Variants in PPP2R2B observed in about 807,000 individuals in gnomAD.
The protein encoded by PPP2R2B is protein phosphatase 2 regulatory subunit Bbeta.
PPP2R2B carries 5 observed loss-of-function variants against 46.0 expected under a neutral mutation model. The ratio of observed to expected loss-of-function variants is 0.11; its 90% CI spans 0.06 to 0.23. The LOEUF (loss-of-function observed/expected upper bound fraction) is 0.23. PPP2R2B is among the 10% of genes least tolerant of loss of function. The probability of loss-of-function intolerance (pLI) is 1.00; values close to 1 mark genes in which losing one functional copy is unlikely to be tolerated. For synonymous variants in PPP2R2B, 215 were observed against 206.7 expected (o/e 1.04, Z -0.34); for missense variants, 367 against 575.0 (o/e 0.64, Z 3.70).
rs549309939 is a variant in PPP2R2B, at chr5:146,683,070, C to T, written c.447+8058G>A. 3.9e-5 allele frequency among the ~76,000 whole-genome samples: 6 copies of T among 152,224 alleles called. No individual in the cohort carries two copies. In the South Asian group the frequency reaches 1.0e-3, roughly 26 times the overall value. ...CGAGAAATACGGGTGGGTGTCTTGGCCACACTCCTGGAGATTCTGAGTCAC... is the reference window on the plus strand; with the variant it reads ...CGAGAAATACGGGTGGGTGTCTTGGTCACACTCCTGGAGATTCTGAGTCAC... On this transcript the variant is annotated intron_variant, in intron 5 of 9. Coordinates refer to ENST00000394411, the MANE Select transcript of PPP2R2B (RefSeq NM_181675.4).
chr5:146,701,409 G>GA (rs1422798389), intron 2 of PPP2R2B, among the ~76,000 whole-genome samples: 2 of 152,194 alleles, frequency 1.3e-5, no homozygotes, highest in East Asian at 3.9e-4. Flanking sequence ...TTAAGGAAGA[G>GA]AAAATTAACT....
intron 1 of PPP2R2B, chr5:147,055,588 T>C: frequency 7.7e-7 from 1 of 1,295,840 alleles, no homozygotes; most frequent in Non-Finnish European, 1.1e-6. Context: ...GAAAGCAGCA[T>C]CAGCAGAACC....
At chr5:146,616,861 A>G (rs1431525640) in intron 7 of PPP2R2B, 1 of 152,142 alleles carries the variant, frequency 6.6e-6, no homozygotes, top group Non-Finnish European at 1.5e-5. Flanking sequence ...CAGCAATCCC[A>G]CTCCTTATGT....
intron 2 of PPP2R2B, chr5:146,856,527 A>C (rs756181167): frequency 1.2e-5 from 20 of 1,611,550 alleles, no homozygotes; most frequent in Non-Finnish European, 1.5e-5. Flanking sequence ...TTTCATCTGG[A>C]TAATTCATGC....
chr5:146,602,188 T>C (rs553047452), intron 7 of PPP2R2B, among the ~76,000 whole-genome samples: 1 of 152,170 alleles, frequency 6.6e-6, no homozygotes, highest in Non-Finnish European at 1.5e-5. Context: ...GGTACTCTCT[T>C]ACAATGGAAC....
At position 146,698,353 on chromosome 5, in the gene PPP2R2B, C is replaced by T. The variant is rs866124360; in HGVS notation, c.169-209G>A. Among the ~76,000 whole-genome samples the T allele has an allele frequency of 2.9e-3, 294 of 100,026 alleles. 2 individuals are homozygous for T. The highest frequency in any genetic ancestry group is 0.012 in the African/African-American group (282 of 24,220). 65.6% of individuals were successfully genotyped at this position (100,026 alleles called of 152,430 possible). On this transcript the variant is annotated intron_variant, in intron 3 of 9. Transcript: ENST00000394411. ...ATATATATATATATATATATATATACACACACATATAATTATACACATGAA... is the reference window on the plus strand; with the variant it reads ...ATATATATATATATATATATATATATACACACATATAATTATACACATGAA...
intron 7 of PPP2R2B, among the ~76,000 whole-genome samples, chr5:146,603,754 G>C (rs1371052863): frequency 1.3e-5 from 2 of 152,070 alleles, no homozygotes; most frequent in Non-Finnish European, 2.9e-5. Flanking sequence ...ATTTCATTTA[G>C]TTGTTAAAAC....
At chr5:146,952,684 T>C (rs1243512496) in intron 1 of PPP2R2B, among the ~76,000 whole-genome samples, 1 of 152,172 alleles carries the variant, frequency 6.6e-6, no homozygotes, top group East Asian at 1.9e-4. Flanking sequence ...ACTGAAGAAC[T>C]CTATAAGGTA....
rs1052859791 is a variant in PPP2R2B, at chr5:147,055,029, G to A, written c.79+636C>T. Among the ~76,000 whole-genome samples, 4 of 152,098 alleles carry A rather than the reference G, an allele frequency of 2.6e-5. No homozygotes were observed. In the South Asian group the frequency reaches 8.3e-4, roughly 32 times the overall value. On this transcript the variant is annotated intron_variant, in intron 1 of 8. Transcript: ENST00000336640. ...TGCTAGGTTAGAAGGCAGCAGAGAA[G>A]GTCCCCAGAAAAAAACAGGAAATGG...
chr5:146,923,126 T>C (rs1184763383), intron 1 of PPP2R2B, among the ~76,000 whole-genome samples: 2 of 152,200 alleles, frequency 1.3e-5, no homozygotes, highest in East Asian at 3.9e-4. Flanking sequence ...CTAAATTTCT[T>C]TTTTTGTTTA....
intron 2 of PPP2R2B, among the ~76,000 whole-genome samples, chr5:146,748,871 G>C (rs988190341): frequency 2.0e-5 from 3 of 152,126 alleles, no homozygotes; most frequent in African/African-American, 7.2e-5. Flanking sequence ...AGGTTTTTGT[G>C]TGCACATACA....
Position 146,897,427 on chromosome 5 carries a change from G to C in PPP2R2B, c.79+158238C>G, listed in dbSNP as rs975898195. Among the ~76,000 whole-genome samples the C allele has an allele frequency of 2.0e-5, 3 of 152,274 alleles. No individual in the cohort carries two copies. In the East Asian group the frequency reaches 5.8e-4, roughly 29 times the overall value. On this transcript the variant is annotated intron_variant, in intron 1 of 8. Coordinates refer to the PPP2R2B transcript ENST00000336640. ...GACTAAGGTCACAAGTGTGGGAGTT[G>C]GGTCTTCAGAGCAAAGTGCTCTGCA...
chr5:146,895,690 C>G (rs1192098870), intron 1 of PPP2R2B, among the ~76,000 whole-genome samples: 2 of 152,062 alleles, frequency 1.3e-5, no homozygotes, highest in African/African-American at 4.8e-5. Flanking sequence ...AATTTTGTTC[C>G]TACAAATTTA....
intron 2 of PPP2R2B, among the ~76,000 whole-genome samples, chr5:146,819,772 T>G (rs1025408518): frequency 6.6e-5 from 10 of 152,112 alleles, no homozygotes; most frequent in African/African-American, 2.2e-4. Flanking sequence ...TTGGTATATA[T>G]CCCAAGGAAA....
chr5:146,646,551 A>C (rs1183707356), intron 6 of PPP2R2B, among the ~76,000 whole-genome samples: 1 of 152,184 alleles, frequency 6.6e-6, no homozygotes, highest in African/African-American at 2.4e-5. Context: ...ACCAGTTATC[A>C]TGAGGTTTAG....
At position 146,802,866 on chromosome 5, in the gene PPP2R2B, G is replaced by A. The variant is rs147838050; in HGVS notation, c.70+75136C>T. ...CACTAGTTAGTTATGCAAGTATTTT[G>A]AACCCACAGGACTTCTGGGGAATTG... On this transcript the variant is annotated intron_variant, in intron 2 of 9. Transcript: ENST00000394411. 6.8e-3 allele frequency among the ~76,000 whole-genome samples: 1,041 copies of A among 152,272 alleles called. 11 individuals are homozygous for A. Among genetic ancestry groups the A allele is most frequent in the Non-Finnish European group, 7.5e-3 (510 of 68,028 alleles).
chr5:146,801,915 C>T (rs945934786), intron 2 of PPP2R2B, among the ~76,000 whole-genome samples: 3 of 152,336 alleles, frequency 2.0e-5, no homozygotes, highest in African/African-American at 7.2e-5. Context: ...AGTGGCCCCA[C>T]TTAACCATGC....
intron 2 of PPP2R2B, among the ~76,000 whole-genome samples, chr5:146,705,416 G>C (rs534705481): frequency 5.3e-5 from 8 of 152,276 alleles, no homozygotes; most frequent in African/African-American, 1.9e-4. Context: ...TTCTAGGCTG[G>C]GGTGCCATGA....
At chr5:146,706,674 T>A (rs1779878684) in intron 2 of PPP2R2B, 1 of 865,626 alleles carries the variant, frequency 1.2e-6, no homozygotes, top group Non-Finnish European at 1.9e-6. Context: ...AGTCTCAGCC[T>A]GGAGCCAGCT....
Sources: allele counts gnomAD v4.1 joint callset (sites outside exome capture counted in the v4.1 genomes callset), GRCh38; gene constraint gnomAD v4.1.1; transcripts MANE v1.5; gene names NCBI Gene and HGNC (gene_info 2026-07-23, HGNC 2026-07-21).